SREBF2: variants seen among roughly 807,000 people sequenced by gnomAD.
SREBF2 encodes the protein sterol regulatory element-binding protein 2.
SREBF2 carries 55 observed loss-of-function variants against 113.1 expected under a neutral mutation model. The ratio of observed to expected loss-of-function variants is 0.49; its 90% CI spans 0.39 to 0.61. The LOEUF (loss-of-function observed/expected upper bound fraction) is 0.61. Among genes scored for constraint, SREBF2 ranks in the 20% least tolerant of loss-of-function variants. The pLI, the probability that SREBF2 is intolerant of heterozygous loss-of-function variation, is 0.00. For missense variants in SREBF2, 1,349 were observed against 1,487.4 expected (o/e 0.91, Z 1.53); for synonymous variants, 593 against 605.7 (o/e 0.98, Z 0.31).
intron 1 of SREBF2, among the ~76,000 whole-genome samples, chr22:41,843,975 C>T (rs551760596): frequency 6.7e-6 from 1 of 149,378 alleles, no homozygotes; most frequent in Admixed American, 6.7e-5. Context: ...AAGATCACAC[C>T]ACTGCACTTC....
In SREBF2 at chr22:41,878,131, C is replaced by A. The variant is rs149832406; in HGVS notation, c.1761+8C>A. ...GATCTGGATCTCGCCAGAGTGAGTT[C>A]TGTGTCCGCCCTTCCCCATCCTCCC... On this transcript the variant is annotated splice_region_variant and intron_variant, in intron 9 of 18. Coordinates refer to ENST00000361204, the MANE Select transcript of SREBF2 (RefSeq NM_004599.4). 13 of 1,613,736 alleles carry A rather than the reference C, an allele frequency of 8.1e-6. No homozygotes were observed. The East Asian group carries it at 2.7e-4, about 33-fold the overall frequency.
Position 41,868,760 on chromosome 22 carries a change from A to G in SREBF2, c.688A>G (p.Thr230Ala), listed in dbSNP as rs144598295. The G allele has an allele frequency of 2.5e-5, 40 of 1,613,538 alleles. No individual in the cohort carries two copies. In the African/African-American group the frequency reaches 2.5e-4, roughly 10 times the overall value. Reference protein sequence around the residue: ...LQTLAPATVQTVAAPQVQQVP... With the variant: ...LQTLAPATVQAVAAPQVQQVP... The stretch of plus-strand genomic sequence containing the variant: ...GACCCTTGCCCCGGCTACGGTGCAG[A>G]CAGTTGCTGCGCCACAGGTGCAGCA... The change falls in exon 3 of 19, where the codon ACA (threonine) becomes GCA (alanine). Residue 230 changes from threonine (T) to alanine (A), a missense_variant. Coordinates refer to ENST00000361204, the MANE Select transcript of SREBF2 (RefSeq NM_004599.4).
chr22:41,859,291 T>C (rs2077004246), intron 1 of SREBF2, among the ~76,000 whole-genome samples: 1 of 152,160 alleles, frequency 6.6e-6, no homozygotes. Flanking sequence ...TTGGGAGTTA[T>C]CAGGAAGTGG....
intron 1 of SREBF2, among the ~76,000 whole-genome samples, chr22:41,844,585 CAAACT>C (rs1318283336): frequency 1.3e-5 from 2 of 152,128 alleles, no homozygotes; most frequent in Non-Finnish European, 2.9e-5. Context: ...GAAGGGCTTG[CAAACT>C]AGAAAATTTC....
chr22:41,894,181 T>G (rs2077389890), intron 12 of SREBF2, among the ~76,000 whole-genome samples: 1 of 152,188 alleles, frequency 6.6e-6, no homozygotes. Context: ...ACTTGGAATG[T>G]GTTCATAAGT....
chr22:41,838,293 T>C (rs2076797499), intron 1 of SREBF2, among the ~76,000 whole-genome samples: 2 of 152,060 alleles, frequency 1.3e-5, no homozygotes, highest in African/African-American at 4.8e-5. Flanking sequence ...TGGAATATAG[T>C]GTGTGTGAGG....
chr22:41,833,166 C>A lies in SREBF2; in HGVS notation c.-105C>A. ...CGGCGGGTGGCACCCGTCGGTGAGG[C>A]GGTGCCGGGCGGGGGTTGTCGGGTG... On this transcript the variant is annotated 5_prime_UTR_variant, in exon 1 of 19. Transcript: ENST00000361204. The surrounding 1 kb of genome is among the most constrained non-coding windows in gnomAD (Gnocchi z 4.1). 1.2e-6 allele frequency: 1 copy of A among 825,546 alleles called. No homozygotes were observed. Among genetic ancestry groups the A allele is most frequent in the Non-Finnish European group, 1.7e-6 (1 of 575,754 alleles). The allele number at this position is 825,546 out of a possible 1,614,324, so 51.1% of individuals were successfully genotyped here. A position where few individuals can be genotyped will look rare whatever the true frequency, so the allele number is the denominator to read the frequency against.
chr22:41,881,118 T>C, intron 10 of SREBF2, 126 bp downstream of exon 10: 5 of 1,262,742 alleles, frequency 4.0e-6, no homozygotes, highest in Non-Finnish European at 5.4e-6. Context: ...TTAGAGTGGC[T>C]AGACCAAGCT....
At chr22:41,874,732 C>G (rs1382070164) in intron 5 of SREBF2, among the ~76,000 whole-genome samples, 1 of 152,072 alleles carries the variant, frequency 6.6e-6, no homozygotes, top group Non-Finnish European at 1.5e-5. Context: ...ATGGTGAAAC[C>G]CCGTCTCTAC....
intron 1 of SREBF2, among the ~76,000 whole-genome samples, chr22:41,861,311 C>T (rs553771221): frequency 1.8e-3 from 266 of 151,960 alleles, no homozygotes; most frequent in South Asian, 3.3e-3. Flanking sequence ...GTGAAACCCC[C>T]TCTCTACTAA....
rs1020038902 is a variant in SREBF2, at chr22:41,903,079, C to G, written c.3017C>G (p.Ala1006Gly). 3 of 1,591,698 alleles carry G rather than the reference C, an allele frequency of 1.9e-6. No individual in the cohort carries two copies. The highest frequency in any genetic ancestry group is 1.7e-5 in the Admixed American group (1 of 57,510). Reference protein sequence around the residue: ...AVGETYHASGAELAGFQRDLG... With the variant: ...AVGETYHASGGELAGFQRDLG... The stretch of plus-strand genomic sequence containing the variant: ...GGGGAGACCTACCACGCGTCAGGCG[C>G]TGAACTGGCGGGCTTCCAACGGGAC... Residue 1006 changes from alanine (A) to glycine (G), a missense_variant, in exon 17 of 19, where the codon GCT (alanine) becomes GGT (glycine). Coordinates refer to ENST00000361204, the MANE Select transcript of SREBF2 (RefSeq NM_004599.4).
intron 16 of SREBF2, 69 bp downstream of exon 16, chr22:41,900,567 C>A: frequency 6.6e-7 from 1 of 1,511,714 alleles, no homozygotes. Context: ...CTCCCACTCA[C>A]CTCATGCTGA....
Position 41,833,207 on chromosome 22 carries a change from A to T in SREBF2, c.-64A>T. 1.5e-6 allele frequency: 2 copies of T among 1,338,526 alleles called. No homozygotes were observed. Among genetic ancestry groups the T allele is most frequent in the Non-Finnish European group, 2.0e-6 (2 of 993,516 alleles). 82.9% of individuals were successfully genotyped at this position (1,338,526 alleles called of 1,614,324 possible). On this transcript the variant is annotated 5_prime_UTR_variant, in exon 1 of 19. Coordinates refer to ENST00000361204, the MANE Select transcript of SREBF2 (RefSeq NM_004599.4). The surrounding 1 kb of genome is among the most constrained non-coding windows in gnomAD (Gnocchi z 4.1). ...TTGTCGGGTGTCATGGGCGGTGGCG[A>T]CGGCACCGCCCCCGCGTCTCCCTGA...
intron 1 of SREBF2, among the ~76,000 whole-genome samples, chr22:41,844,035 C>CAG (rs1198540674): frequency 7.5e-6 from 1 of 134,220 alleles, no homozygotes; most frequent in South Asian, 2.3e-4. Flanking sequence ...AAAATACATA[C>CAG]ACACACACAC....
chr22:41,877,327 C>A lies in SREBF2; in HGVS notation c.1485C>A (p.Asn495Lys). 1.2e-6 allele frequency: 2 copies of A among 1,614,194 alleles called. No homozygotes were observed. Among genetic ancestry groups the A allele is most frequent in the African/African-American group, 1.3e-5 (1 of 75,038 alleles). Residue 495 changes from asparagine (N) to lysine (K), a missense_variant, in exon 8 of 19, where the codon AAC becomes AAA. Asn to Lys is a moderately conservative substitution (Grantham distance 94, BLOSUM62 0). This residue lies in a region of SREBF2 where 699 missense variants were observed against 843.3 expected (regional missense o/e 0.83). Transcript: ENST00000361204. ...CVLTFLCLSF[N>K]PLTSLLQWGG... Reference sequence around the variant, plus strand: ...TCACCTTCCTGTGCCTCTCCTTTAACCCCCTGACTTCCCTGCTGCAGTGGG... The same window carrying A: ...TCACCTTCCTGTGCCTCTCCTTTAAACCCCTGACTTCCCTGCTGCAGTGGG...
intron 9 of SREBF2, 64 bp from the exon 10 acceptor site, chr22:41,880,652 T>C (rs1413363997): frequency 2.5e-6 from 4 of 1,602,792 alleles, no homozygotes; most frequent in East Asian, 4.5e-5. Context: ...GGAGTAGAAG[T>C]CTATATCAAA....
intron 1 of SREBF2, among the ~76,000 whole-genome samples, chr22:41,854,368 G>A (rs1226276772): frequency 1.3e-5 from 2 of 150,600 alleles, no homozygotes; most frequent in Non-Finnish European, 3.0e-5. Flanking sequence ...CACCATGTTG[G>A]CCAGGCTAGT....
chr22:41,834,173 G>A (rs531568365), intron 1 of SREBF2, among the ~76,000 whole-genome samples: 1 of 152,272 alleles, frequency 6.6e-6, no homozygotes, highest in East Asian at 1.9e-4. Flanking sequence ...GCTTGCTCAA[G>A]GTCACCCAGC....
At chr22:41,870,418 G>C (rs2077128754) in intron 3 of SREBF2, among the ~76,000 whole-genome samples, 1 of 151,996 alleles carries the variant, frequency 6.6e-6, no homozygotes, top group East Asian at 1.9e-4. Flanking sequence ...GAACCCAAAA[G>C]TTCAGGACCA....
Sources: allele counts gnomAD v4.1 joint callset (sites outside exome capture counted in the v4.1 genomes callset), GRCh38; gene constraint gnomAD v4.1.1; regional missense constraint gnomAD v4.1.1; non-coding constraint Gnocchi (gnomAD v3.1); transcripts MANE v1.5; gene names NCBI Gene and HGNC (gene_info 2026-07-23, HGNC 2026-07-21).